Variants in TMCO5A observed in about 807,000 individuals in gnomAD.
The protein encoded by TMCO5A is transmembrane and coiled-coil domains 5A, also known as transmembrane and coiled-coil domain-containing protein 5A.
Under a neutral mutation model 42.3 loss-of-function variants are expected in TMCO5A, and 34 were observed. The observed-to-expected ratio is 0.80, with a 90% CI of 0.61 to 1.07. The LOEUF is 1.07. TMCO5A is among the 50% of genes least tolerant of loss of function. The probability of loss-of-function intolerance (pLI) is 0.00; values close to 1 mark genes in which losing one functional copy is unlikely to be tolerated. For synonymous variants in TMCO5A, 131 were observed against 115.6 expected (o/e 1.13, Z -0.86); for missense variants, 357 against 327.9 (o/e 1.09, Z -0.69).
the TMCO5A span, among the ~76,000 whole-genome samples, chr15:38,030,132 C>T: frequency 6.6e-6 from 1 of 152,166 alleles, no homozygotes; most frequent in African/African-American, 2.4e-5. Flanking sequence ...GCATCTGTGA[C>T]ATAACTTTCA....
chr15:37,970,093 T>C (rs944188388), downstream of TMCO5A, among the ~76,000 whole-genome samples: 1 of 152,204 alleles, frequency 6.6e-6, no homozygotes, highest in African/African-American at 2.4e-5. Flanking sequence ...CTTTGAGAAA[T>C]TGCCACACTG....
chr15:37,963,898 C>T (rs1890492020), intron 11 of TMCO5A, among the ~76,000 whole-genome samples: 3 of 152,136 alleles, frequency 2.0e-5, no homozygotes, highest in Non-Finnish European at 2.9e-5. Context: ...TCTCCCTTCA[C>T]TTCTTGTTTC....
At chr15:38,027,818 G>C in the TMCO5A span, among the ~76,000 whole-genome samples, 2 of 152,136 alleles carry the variant, frequency 1.3e-5, no homozygotes, top group Non-Finnish European at 2.9e-5. Context: ...GGTTTTGCAA[G>C]GGGTTTCCCT....
At chr15:37,956,934 A>T (rs927254229) in intron 11 of TMCO5A, among the ~76,000 whole-genome samples, 1 of 152,192 alleles carries the variant, frequency 6.6e-6, no homozygotes, top group Non-Finnish European at 1.5e-5. Flanking sequence ...GGCTGGTTCA[A>T]CGGATGCCAA....
chr15:37,971,056 C>G (rs1163821039), downstream of TMCO5A, among the ~76,000 whole-genome samples: 1 of 152,226 alleles, frequency 6.6e-6, no homozygotes, highest in Non-Finnish European at 1.5e-5. Flanking sequence ...CCAGTAGGGA[C>G]TCTGTGTGGG....
the TMCO5A span, among the ~76,000 whole-genome samples, chr15:38,001,606 G>T: frequency 6.6e-6 from 1 of 151,144 alleles, no homozygotes. Context: ...TCTTCCTTTA[G>T]TGTAGGTGAT....
chr15:37,964,907 A>G (rs1000222217), intron 11 of TMCO5A, among the ~76,000 whole-genome samples: 6 of 152,164 alleles, frequency 3.9e-5, no homozygotes, highest in African/African-American at 1.4e-4. Flanking sequence ...AAATTTAAAA[A>G]AACTATTCTA....
the TMCO5A span, among the ~76,000 whole-genome samples, chr15:38,003,222 GTCTCTC>G: frequency 8.8e-5 from 13 of 146,984 alleles, no homozygotes; most frequent in South Asian, 1.3e-3. Context: ...CCCAAACAGA[GTCTCTC>G]TCTCTCTCTC....
At chr15:37,959,108 G>A (rs1211993663) in intron 11 of TMCO5A, among the ~76,000 whole-genome samples, 2 of 151,834 alleles carry the variant, frequency 1.3e-5, no homozygotes, top group African/African-American at 4.8e-5. Context: ...ACACACTGGG[G>A]CCTGTCAGGG....
chr15:37,997,445 C>G, the TMCO5A span, among the ~76,000 whole-genome samples: 8 of 152,222 alleles, frequency 5.3e-5, no homozygotes, highest in African/African-American at 1.4e-4. Flanking sequence ...ATTTTTAACT[C>G]CCAAAATAAG....
Position 37,937,515 on chromosome 15 carries a change from G to C in TMCO5A, c.315+119G>C, listed in dbSNP as rs374288881. 1.7e-5 allele frequency: 17 copies of C among 1,021,612 alleles called. No homozygotes were observed. The African/African-American group carries it at 2.1e-4, about 12-fold the overall frequency. The allele number at this position is 1,021,612 out of a possible 1,614,324, so 63.3% of individuals were successfully genotyped here. ...TAAGTCAGAGAGGCCTGTATGTGGAGTGCATATTACTCTCTAATCCACTCT... is the reference window on the plus strand; with the variant it reads ...TAAGTCAGAGAGGCCTGTATGTGGACTGCATATTACTCTCTAATCCACTCT... On this transcript the variant is annotated intron_variant, in intron 5 of 11. Transcript: ENST00000319669.
chr15:37,987,489 G>T, the TMCO5A span, among the ~76,000 whole-genome samples: 9 of 151,868 alleles, frequency 5.9e-5, no homozygotes, highest in African/African-American at 2.2e-4. Flanking sequence ...ACTTTGTCCT[G>T]TGTCATATTT....
rs2140287997 is a variant in TMCO5A, at chr15:37,951,118, C to A, written c.751C>A (p.Pro251Thr). The A allele has an allele frequency of 6.2e-7, 1 of 1,613,632 alleles. No homozygotes were observed. The highest frequency in any genetic ancestry group is 1.1e-5 in the South Asian group (1 of 91,048). Residue 251 changes from proline (P) to threonine (T), a missense_variant, in exon 12 of 12, where the codon CCA (proline) becomes ACA (threonine). Physicochemically the swap from Pro to Thr is conservative, Grantham distance 38 (BLOSUM62 -1). Coordinates refer to ENST00000319669, the MANE Select transcript of TMCO5A (RefSeq NM_152453.4). ...GTTTTTTCATGTAAGATTCATAAATCCAGATCTCCTCGTCAATGTACTGCC... is the reference window on the plus strand; with the variant it reads ...GTTTTTTCATGTAAGATTCATAAATACAGATCTCCTCGTCAATGTACTGCC... ...YMFFHVRFIN[P>T]DLLVNVLPKV...
chr15:37,938,323 C>A (rs1889604469), intron 6 of TMCO5A, 94 bp downstream of exon 6: 3 of 1,111,174 alleles, frequency 2.7e-6, no homozygotes, highest in African/African-American at 3.2e-5. Context: ...GTGACAAATT[C>A]TTGGTAGTTT....
the TMCO5A span, among the ~76,000 whole-genome samples, chr15:38,010,425 T>TCA: frequency 0.04 from 4,678 of 117,424 alleles, 127 homozygotes; most frequent in East Asian, 0.056. Flanking sequence ...CAGAGGGAGA[T>TCA]CACACACACA....
At chr15:37,945,642 T>G (rs1889920302) in intron 10 of TMCO5A, among the ~76,000 whole-genome samples, 2 of 152,220 alleles carry the variant, frequency 1.3e-5, no homozygotes, top group African/African-American at 2.4e-5. Flanking sequence ...TGAACTTTTT[T>G]TGTGTGTTTG....
At chr15:37,973,270 A>G in the TMCO5A span, among the ~76,000 whole-genome samples, 3 of 149,600 alleles carry the variant, frequency 2.0e-5, no homozygotes, top group African/African-American at 7.5e-5. Flanking sequence ...TGCCTTGGCT[A>G]TTGGGGCTCT....
At chr15:37,941,337 G>T (rs914033428) in intron 7 of TMCO5A, 132 bp downstream of exon 7, 18 of 889,082 alleles carry the variant, frequency 2.0e-5, no homozygotes, top group Non-Finnish European at 2.8e-5. Context: ...CTAGGGAGGG[G>T]TAAAGAAAAG....
chr15:37,935,162 T>C (rs1327264198), intron 1 of TMCO5A, 95 bp from the exon 2 acceptor site: 4 of 152,128 alleles, frequency 2.6e-5, no homozygotes, highest in Non-Finnish European at 5.9e-5. Context: ...TTAACTTAAT[T>C]TGATTTCTAC....
Sources: allele counts gnomAD v4.1 joint callset (sites outside exome capture counted in the v4.1 genomes callset), GRCh38; gene constraint gnomAD v4.1.1; transcripts MANE v1.5; gene names NCBI Gene and HGNC (gene_info 2026-07-23, HGNC 2026-07-21).